SLC2A10: variants seen among roughly 807,000 people sequenced by gnomAD.
The protein encoded by SLC2A10 is solute carrier family 2 member 10.
A neutral mutation model predicts 32.1 loss-of-function variants in SLC2A10; 25 were observed. The ratio of observed to expected loss-of-function variants is 0.78; its 90% CI spans 0.57 to 1.09. SLC2A10 has a LOEUF of 1.09. Among genes scored for constraint, SLC2A10 ranks in the 50% least tolerant of loss-of-function variants. The pLI, the probability that SLC2A10 is intolerant of heterozygous loss-of-function variation, is 0.00. For missense variants in SLC2A10, 673 were observed against 686.5 expected (o/e 0.98, Z 0.22); for synonymous variants, 332 against 309.6 (o/e 1.07, Z -0.76).
At chr20:46,724,503 T>C (rs1286238095) in intron 1 of SLC2A10, among the ~76,000 whole-genome samples, 1 of 152,074 alleles carries the variant, frequency 6.6e-6, no homozygotes, top group Non-Finnish European at 1.5e-5. Flanking sequence ...TTTGGATGGA[T>C]GAAGTAGATG....
upstream of SLC2A10, chr20:46,709,600 C>A: frequency 3.6e-6 from 4 of 1,112,574 alleles, no homozygotes; most frequent in Non-Finnish European, 4.8e-6. Context: ...GCGCTGCGCG[C>A]GGGAGGGCAG....
In SLC2A10 at chr20:46,734,284, T is replaced by A. The variant is rs1281098656; in HGVS notation, c.*450T>A. The A allele has an allele frequency of 1.5e-5, 3 of 205,224 alleles. No individual in the cohort carries two copies. The highest frequency in any genetic ancestry group is 2.5e-5 in the African/African-American group (1 of 39,756). 12.7% of individuals were successfully genotyped at this position (205,224 alleles called of 1,614,324 possible). ...TTCGGAAGGGGGAAGTCTCTTTTTT[T>A]ACTCTTATCATTTTTTTTTTTTGAG... On this transcript the variant is annotated 3_prime_UTR_variant, in exon 5 of 5. Coordinates refer to ENST00000359271, the MANE Select transcript of SLC2A10 (RefSeq NM_030777.4).
chr20:46,713,480 T>G (rs1979048863), intron 1 of SLC2A10, among the ~76,000 whole-genome samples: 1 of 151,628 alleles, frequency 6.6e-6, no homozygotes, highest in East Asian at 1.9e-4. Flanking sequence ...AAGCTTTGAG[T>G]TGGGACGTGC....
chr20:46,736,150 C>T lies in SLC2A10; in HGVS notation c.*2316C>T, dbSNP rs757116033. On this transcript the variant is annotated 3_prime_UTR_variant, in exon 5 of 5. Coordinates refer to ENST00000359271, the MANE Select transcript of SLC2A10 (RefSeq NM_030777.4). ...TGGAATTTAGGATAAAGAATATTTACAATAAAGAATATTTACAATAAAGAG... is the reference window on the plus strand; with the variant it reads ...TGGAATTTAGGATAAAGAATATTTATAATAAAGAATATTTACAATAAAGAG... 8 of 149,582 alleles carry T rather than the reference C, an allele frequency of 5.3e-5. No individual in the cohort carries two copies. Among genetic ancestry groups the T allele is most frequent in the Non-Finnish European group, 1.2e-4 (8 of 67,896 alleles). The allele number at this position is 149,582 out of a possible 1,614,324, so 9.3% of individuals were successfully genotyped here.
Position 46,733,814 on chromosome 20 carries a change from G to C in SLC2A10, c.1606G>C (p.Glu536Gln). ...NSTGIPYSRI[E>Q]ISAAS is the part of the protein sequence containing the mutation. ...CACTGGCATCCCGTACAGCCGCATC[G>C]AGATCTCTGCGGCCTCCTGAGGAAT... The change falls in exon 5 of 5, where the codon GAG becomes CAG. Residue 536 changes from glutamate (E) to glutamine (Q), a missense_variant. Transcript: ENST00000359271. 1 of 1,614,178 alleles carries C rather than the reference G, an allele frequency of 6.2e-7. No individual in the cohort carries two copies.
At position 46,725,399 on chromosome 20, in the gene SLC2A10, C is replaced by G; in HGVS notation, c.363C>G (p.Ile121Met). The G allele has an allele frequency of 6.2e-7, 1 of 1,614,194 alleles. No homozygotes were observed. The highest frequency in any genetic ancestry group is 8.5e-7 in the Non-Finnish European group (1 of 1,180,036). The stretch of plus-strand genomic sequence containing the variant: ...CCCTCTCCTCCATGGCTTGCTGTAT[C>G]TACGTGTCAGAGCTGGTGGGGCCAC... ...AISLSSMACC[I>M]YVSELVGPRQ... The change falls in exon 2 of 5, where the codon ATC (isoleucine) becomes ATG (methionine). Residue 121 changes from isoleucine (I) to methionine (M), a missense_variant. Physicochemically the swap from Ile to Met is conservative, Grantham distance 10. Transcript: ENST00000359271.
chr20:46,708,650 C>T (rs1978724114), upstream of SLC2A10, among the ~76,000 whole-genome samples: 1 of 152,216 alleles, frequency 6.6e-6, no homozygotes, highest in South Asian at 2.1e-4. Context: ...CTTGCAACAG[C>T]CTCCCAGGTG....
chr20:46,716,253 A>C (rs1022509581), intron 1 of SLC2A10, among the ~76,000 whole-genome samples: 3 of 151,656 alleles, frequency 2.0e-5, no homozygotes, highest in African/African-American at 7.3e-5. Flanking sequence ...TCCCGGATTC[A>C]AATGATTCTC....
chr20:46,712,651 CTTTTTTTT>C (rs11477202), intron 1 of SLC2A10, among the ~76,000 whole-genome samples: 55 of 94,424 alleles, frequency 5.8e-4, no homozygotes, highest in African/African-American at 2.0e-3. Flanking sequence ...TTCTTTCTTT[CTTTTTTTT>C]TTTTTTTTTT....
intron 1 of SLC2A10, among the ~76,000 whole-genome samples, 179 bp from the exon 2 acceptor site, chr20:46,724,862 G>GTGGATGGATGGA (rs1459837898): frequency 2.1e-5 from 1 of 48,202 alleles, no homozygotes; most frequent in Admixed American, 2.2e-4. Flanking sequence ...AATTGATGGA[G>GTGGATGGATGGA]TGGATGGATG....
Position 46,726,064 on chromosome 20 carries a change from G to A in SLC2A10, c.1028G>A (p.Gly343Glu), listed in dbSNP as rs752963101. The change falls in exon 2 of 5, where the codon GGA (glycine) becomes GAA (glutamate). Residue 343 changes from glycine to glutamate, a missense_variant. Transcript: ENST00000359271. ...GCCACCGGGCAGACAGGCCTCCCTG[G>A]AGACTCTGGCCTGCTGCAGGACTCC... is the stretch of plus-strand genomic sequence containing the variant. ...PNATGQTGLP[G>E]DSGLLQDSSL... The A allele has an allele frequency of 6.2e-7, 1 of 1,614,208 alleles. No individual in the cohort carries two copies. Among genetic ancestry groups the A allele is most frequent in the South Asian group, 1.1e-5 (1 of 91,090 alleles).
upstream of SLC2A10, among the ~76,000 whole-genome samples, chr20:46,709,205 C>A (rs184814246): frequency 4.5e-4 from 69 of 152,242 alleles, no homozygotes; most frequent in Middle Eastern, 6.8e-3. Flanking sequence ...GGGATGAATC[C>A]ATGAGAGAGT....
intron 4 of SLC2A10, among the ~76,000 whole-genome samples, chr20:46,731,872 G>A (rs78385539): frequency 1.3e-5 from 2 of 152,288 alleles, no homozygotes; most frequent in Non-Finnish European, 2.9e-5. Context: ...TCACTCCTGT[G>A]TCCTCCATAC....
Position 46,727,159 on chromosome 20 carries a change from C to T in SLC2A10, c.1411+173C>T, listed in dbSNP as rs1266270764. Among the ~76,000 whole-genome samples the T allele has an allele frequency of 2.8e-5, 4 of 144,414 alleles. No homozygotes were observed. In the East Asian group the frequency reaches 7.7e-4, roughly 28 times the overall value. 94.7% of individuals were successfully genotyped at this position (144,414 alleles called of 152,430 possible). On this transcript the variant is annotated intron_variant, in intron 3 of 4. Transcript: ENST00000359271. Reference sequence around the variant, plus strand: ...CCCTCATATGCACTGTAAAACTCCCCAGGCCAGCTAATGGGTGATGGTCTA... The same window carrying T: ...CCCTCATATGCACTGTAAAACTCCCTAGGCCAGCTAATGGGTGATGGTCTA...
Position 46,725,112 on chromosome 20 carries a change from C to T in SLC2A10, c.76C>T (p.Leu26=). ...LLGGLTFGYE[L]AVISGALLPL... is the part of the protein sequence containing the mutation. ...GGGTGGCCTGACCTTTGGTTATGAACTGGCAGTCATATCAGGTGCCCTGCT... is the reference window on the plus strand; with the variant it reads ...GGGTGGCCTGACCTTTGGTTATGAATTGGCAGTCATATCAGGTGCCCTGCT... The change falls in exon 2 of 5, where the codon CTG becomes TTG. Residue 26 remains leucine (L), a synonymous_variant. Coordinates refer to ENST00000359271, the MANE Select transcript of SLC2A10 (RefSeq NM_030777.4). 1 of 1,614,200 alleles carries T rather than the reference C, an allele frequency of 6.2e-7. No individual in the cohort carries two copies. Among genetic ancestry groups the T allele is most frequent in the East Asian group, 2.2e-5 (1 of 44,876 alleles).
rs993821647 is a variant in SLC2A10 at position 46,712,871 on chromosome 20, T to C, written c.4+3131T>C. 2.0e-5 allele frequency among the ~76,000 whole-genome samples: 3 copies of C among 152,190 alleles called. No individual in the cohort carries two copies. The East Asian group carries it at 5.8e-4, about 30-fold the overall frequency. On this transcript the variant is annotated intron_variant, in intron 1 of 4. Coordinates refer to ENST00000359271, the MANE Select transcript of SLC2A10 (RefSeq NM_030777.4). ...GGTTTCACCGTGTTACCCAGGCTGATCTTGAACTCATGAACTCAAGTGATC... is the reference window on the plus strand; with the variant it reads ...GGTTTCACCGTGTTACCCAGGCTGACCTTGAACTCATGAACTCAAGTGATC...
intron 1 of SLC2A10, among the ~76,000 whole-genome samples, chr20:46,710,932 G>T (rs1417662107): frequency 6.6e-6 from 1 of 151,726 alleles, no homozygotes; most frequent in African/African-American, 2.4e-5. Flanking sequence ...GGAGTGCAGT[G>T]GCGTGATCCC....
At position 46,735,068 on chromosome 20, in the gene SLC2A10, T is replaced by C. The variant is rs924016835; in HGVS notation, c.*1234T>C. On this transcript the variant is annotated 3_prime_UTR_variant, in exon 5 of 5. Coordinates refer to ENST00000359271, the MANE Select transcript of SLC2A10 (RefSeq NM_030777.4). The stretch of plus-strand genomic sequence containing the variant: ...TTATCCTCATTACCCAGGTCCCTCC[T>C]TTGGACCCTGTAAAGGGTCAGGGTG... 5 of 152,620 alleles carry C rather than the reference T, an allele frequency of 3.3e-5. No homozygotes were observed. Among genetic ancestry groups the C allele is most frequent in the Non-Finnish European group, 7.3e-5 (5 of 68,046 alleles). 9.5% of individuals were successfully genotyped at this position (152,620 alleles called of 1,614,324 possible).
chr20:46,724,983 G>A (rs1979790050), intron 1 of SLC2A10, 58 bp from the exon 2 acceptor site: 3 of 1,612,234 alleles, frequency 1.9e-6, no homozygotes, highest in Non-Finnish European at 2.5e-6. Context: ...AGGTTGAATG[G>A]ATGGATGGTA....
Sources: gnomAD v4.1 joint callset for allele counts (sites outside exome capture counted in the v4.1 genomes callset) on GRCh38, gnomAD v4.1.1 for gene constraint, MANE v1.5 for transcripts, NCBI Gene and HGNC (gene_info 2026-07-23, HGNC 2026-07-21) for gene names.